The following ADAMTS3 variants were observed in gnomAD, a reference collection of about 807,000 sequenced individuals.
The protein encoded by ADAMTS3 is A disintegrin and metalloproteinase with thrombospondin motifs 3.
In ADAMTS3, 73 loss-of-function variants were observed where a neutral mutation model predicts 129.0. The observed-to-expected ratio is 0.57, with a 90% CI of 0.47 to 0.69. ADAMTS3 has a LOEUF of 0.69. Ranked by LOEUF, ADAMTS3 falls within the 30% of genes least tolerant of loss-of-function variation. ADAMTS3 has a pLI of 0.00. For missense variants in ADAMTS3, 1,457 were observed against 1,514.5 expected (o/e 0.96, Z 0.63); for synonymous variants, 477 against 510.8 (o/e 0.93, Z 0.89).
At chr4:72,540,411 T>G (rs562555173) in intron 3 of ADAMTS3, among the ~76,000 whole-genome samples, 1 of 152,180 alleles carries the variant, frequency 6.6e-6, no homozygotes. Context: ...AAGCAGAGCA[T>G]AGAAGTTTGG....
chr4:72,375,459 T>G (rs992642442), intron 4 of ADAMTS3, among the ~76,000 whole-genome samples: 11 of 152,126 alleles, frequency 7.2e-5, no homozygotes, highest in Non-Finnish European at 1.5e-4. Context: ...AGAGCTTAAA[T>G]GAGTAACTGC....
chr4:72,427,382 C>T (rs1425339427), intron 3 of ADAMTS3, among the ~76,000 whole-genome samples: 2 of 152,116 alleles, frequency 1.3e-5, no homozygotes, highest in Non-Finnish European at 2.9e-5. Flanking sequence ...ACACTTCTTT[C>T]CAAGTCTCTG....
At chr4:72,525,898 T>C (rs998944630) in intron 3 of ADAMTS3, among the ~76,000 whole-genome samples, 3 of 152,186 alleles carry the variant, frequency 2.0e-5, no homozygotes, top group African/African-American at 7.2e-5. Context: ...GAGAGGGTTA[T>C]GATCCTCTTA....
rs763554302 is a variant in ADAMTS3 at position 72,568,679 on chromosome 4, T to C, written c.69+15A>G. On this transcript the variant is annotated intron_variant, in intron 1 of 21. Coordinates refer to ENST00000286657, the MANE Select transcript of ADAMTS3 (RefSeq NM_014243.3). ...GGGTTTGAGTTTTTTTTTATTGTTA[T>C]TATTTTCCACTTACTTGTCCATCAG... 10 of 1,610,676 alleles carry C rather than the reference T, an allele frequency of 6.2e-6. No homozygotes were observed. The highest frequency in any genetic ancestry group is 4.5e-5 in the East Asian group (2 of 44,840).
chr4:72,292,025 C>T (rs1459024956), intron 19 of ADAMTS3, among the ~76,000 whole-genome samples: 1 of 152,166 alleles, frequency 6.6e-6, no homozygotes, highest in African/African-American at 2.4e-5. Context: ...CTGTTAGATT[C>T]AGGCATGAAG....
intron 3 of ADAMTS3, among the ~76,000 whole-genome samples, chr4:72,523,486 T>C (rs1284303481): frequency 6.6e-6 from 1 of 151,946 alleles, no homozygotes; most frequent in Non-Finnish European, 1.5e-5. Context: ...TAAAATGAAA[T>C]ATAAAGAAAT....
rs1488154138 is a variant in ADAMTS3 at position 72,311,123 on chromosome 4, C to T, written c.1980G>A (p.Met660Ile). Reference protein sequence around the residue: ...QSKETGDVAYMKQLVHDGTHC... With the variant: ...QSKETGDVAYIKQLVHDGTHC... ...GCGTTCCATCATGCACCAGTTGTTT[C>T]ATGTAAGCAACATCTCCAGTCTCCT... Residue 660 changes from methionine to isoleucine, a missense_variant, in exon 14 of 22, where the codon ATG becomes ATA. Met to Ile is a conservative substitution (Grantham distance 10). Transcript: ENST00000286657. 2.5e-6 allele frequency: 4 copies of T among 1,612,514 alleles called. No individual in the cohort carries two copies. The South Asian group carries it at 3.3e-5, about 13-fold the overall frequency.
intron 3 of ADAMTS3, among the ~76,000 whole-genome samples, chr4:72,475,281 C>T (rs1402114417): frequency 2.6e-5 from 4 of 151,720 alleles, no homozygotes; most frequent in South Asian, 2.1e-4. Context: ...CTCTCTTCAA[C>T]GAAATAGGGA....
At chr4:72,442,515 C>T (rs899824459) in intron 3 of ADAMTS3, among the ~76,000 whole-genome samples, 20 of 151,750 alleles carry the variant, frequency 1.3e-4, no homozygotes, top group Admixed American at 5.2e-4. Context: ...CTCTTTTAAA[C>T]GACCAGATCT....
chr4:72,301,150 T>C (rs1228103759), intron 17 of ADAMTS3, among the ~76,000 whole-genome samples: 2 of 152,112 alleles, frequency 1.3e-5, no homozygotes, highest in East Asian at 1.9e-4. Context: ...GTGATACATA[T>C]ACCTAAATGT....
At chr4:72,455,604 C>T (rs1291258905) in intron 3 of ADAMTS3, among the ~76,000 whole-genome samples, 1 of 128,526 alleles carries the variant, frequency 7.8e-6, no homozygotes, top group East Asian at 2.2e-4. Context: ...CACATGTATC[C>T]CAGAACTTAA....
At chr4:72,373,058 A>C (rs1416296914) in intron 4 of ADAMTS3, among the ~76,000 whole-genome samples, 1 of 152,210 alleles carries the variant, frequency 6.6e-6, no homozygotes, top group Non-Finnish European at 1.5e-5. Flanking sequence ...ATCCCCGTTA[A>C]AATTGTGATA....
intron 3 of ADAMTS3, among the ~76,000 whole-genome samples, chr4:72,481,908 T>C (rs1719446811): frequency 6.6e-6 from 1 of 151,966 alleles, no homozygotes; most frequent in Admixed American, 6.6e-5. Context: ...AATAAGCACA[T>C]GAAAAGATAA....
At chr4:72,321,335 C>CT (rs1210206317) in intron 6 of ADAMTS3, among the ~76,000 whole-genome samples, 41 of 143,580 alleles carry the variant, frequency 2.9e-4, no homozygotes, top group East Asian at 9.5e-4. Context: ...CCATTCCTGG[C>CT]TTTTTTTTTG....
At chr4:72,283,958 A>G (rs1427310365) in intron 21 of ADAMTS3, among the ~76,000 whole-genome samples, 2 of 152,126 alleles carry the variant, frequency 1.3e-5, no homozygotes, top group Non-Finnish European at 2.9e-5. Context: ...CAGACCACAG[A>G]GGGTATTTTT....
At chr4:72,344,469 A>G (rs1720226021) in intron 4 of ADAMTS3, among the ~76,000 whole-genome samples, 1 of 152,156 alleles carries the variant, frequency 6.6e-6, no homozygotes, top group Admixed American at 6.5e-5. Flanking sequence ...TGATAAAACC[A>G]TCTACCCAAT....
chr4:72,366,124 T>G (rs1720862076), intron 4 of ADAMTS3, among the ~76,000 whole-genome samples: 1 of 152,184 alleles, frequency 6.6e-6, no homozygotes, highest in Admixed American at 6.5e-5. Flanking sequence ...GGGCACAGTA[T>G]TCAAGAGACC....
At chr4:72,566,367 T>A (rs1350859901) in intron 2 of ADAMTS3, among the ~76,000 whole-genome samples, 1 of 152,194 alleles carries the variant, frequency 6.6e-6, no homozygotes, top group Non-Finnish European at 1.5e-5. Flanking sequence ...TTTCCTCATC[T>A]CTAACATAGG....
At chr4:72,513,120 C>G (rs752119392) in intron 3 of ADAMTS3, among the ~76,000 whole-genome samples, 1 of 152,160 alleles carries the variant, frequency 6.6e-6, no homozygotes, top group Admixed American at 6.5e-5. Context: ...AGAGTACCCA[C>G]GACTCCCATC....
Sources: gnomAD v4.1 joint callset for allele counts (sites outside exome capture counted in the v4.1 genomes callset) on GRCh38, gnomAD v4.1.1 for gene constraint, MANE v1.5 for transcripts, NCBI Gene and HGNC (gene_info 2026-07-23, HGNC 2026-07-21) for gene names.